Variants in CREBBP observed in about 807,000 individuals in gnomAD.
CREBBP encodes CREB-binding protein.
Under a neutral mutation model 265.0 loss-of-function variants are expected in CREBBP, and 19 were observed. The observed-to-expected ratio is 0.07, with a 90% confidence interval of 0.05 to 0.11. The LOEUF (loss-of-function observed/expected upper bound fraction) is 0.11. Ranked by LOEUF, CREBBP falls within the 10% of genes least tolerant of loss-of-function variation. The pLI is 1.00. For missense variants in CREBBP, 2,525 were observed against 3,219.0 expected (o/e 0.78, Z 5.22); for synonymous variants, 1,457 against 1,223.7 (o/e 1.19, Z -3.98).
At chr16:3,771,829 AAGAC>A (rs1170076126) in intron 13 of CREBBP, among the ~76,000 whole-genome samples, 78 of 150,296 alleles carry the variant, frequency 5.2e-4, no homozygotes, top group Middle Eastern at 3.4e-3. Context: ...TAAAAAAAAA[AAGAC>A]AGAGTCTCGC....
At chr16:3,849,428 TG>T (rs2054750181) in intron 2 of CREBBP, among the ~76,000 whole-genome samples, 2 of 7,940 alleles carry the variant, frequency 2.5e-4, no homozygotes, top group East Asian at 0.025. Context: ...TGTGTGTGTG[TG>T]TGTGTGTGTG....
intron 15 of CREBBP, 70 bp downstream of exon 15, chr16:3,769,104 A>G: frequency 1.3e-6 from 2 of 1,574,634 alleles, no homozygotes; most frequent in Admixed American, 3.3e-5. Flanking sequence ...GCAGGCTCCA[A>G]GCCTCGCCCG....
At chr16:3,857,870 G>A (rs1470997585) in intron 1 of CREBBP, among the ~76,000 whole-genome samples, 1 of 152,194 alleles carries the variant, frequency 6.6e-6, no homozygotes, top group Non-Finnish European at 1.5e-5. Flanking sequence ...GAAAAGAGAG[G>A]CTACACATTT....
chr16:3,879,666 T>C (rs1030589116), intron 1 of CREBBP, among the ~76,000 whole-genome samples, 166 bp downstream of exon 1: 2 of 152,054 alleles, frequency 1.3e-5, no homozygotes. Flanking sequence ...GTGACAGTCC[T>C]GCGACGAACT....
chr16:3,838,629 C>A (rs566965444), intron 2 of CREBBP, among the ~76,000 whole-genome samples: 2 of 152,284 alleles, frequency 1.3e-5, no homozygotes, highest in Admixed American at 1.3e-4. Context: ...AGTATGTTTT[C>A]TTTAGCGCTA....
At chr16:3,838,498 T>C (rs754828919) in intron 2 of CREBBP, among the ~76,000 whole-genome samples, 2 of 152,172 alleles carry the variant, frequency 1.3e-5, no homozygotes, top group African/African-American at 2.4e-5. Context: ...ATGCTAAACA[T>C]TCATTCCGTT....
intron 3 of CREBBP, among the ~76,000 whole-genome samples, chr16:3,804,679 T>C (rs2053793608): frequency 6.6e-6 from 1 of 152,250 alleles, no homozygotes; most frequent in Non-Finnish European, 1.5e-5. Context: ...TTCTCAGAAA[T>C]GCCTGCTATC....
At position 3,751,888 on chromosome 16, in the gene CREBBP, C is replaced by A. The variant is rs1029476971; in HGVS notation, c.3699-82G>T. On this transcript the variant is annotated intron_variant, in intron 19 of 30. Coordinates refer to ENST00000262367, the MANE Select transcript of CREBBP (RefSeq NM_004380.3). ...CAAGCAACGAAGCCACCAATCAGAG[C>A]AGGGCAGAGCACCACGACGAAGGGG... 2.2e-5 allele frequency: 29 copies of A among 1,337,136 alleles called. No homozygotes were observed. In the East Asian group the frequency reaches 5.8e-4, roughly 27 times the overall value. 82.8% of individuals were successfully genotyped at this position (1,337,136 alleles called of 1,614,324 possible).
rs2052319821 is a variant in CREBBP, at chr16:3,745,427, T to G, written c.3837-73A>C. 2.9e-6 allele frequency: 4 copies of G among 1,365,494 alleles called. No homozygotes were observed. In the African/African-American group the frequency reaches 4.4e-5, roughly 15 times the overall value. 84.6% of individuals were successfully genotyped at this position (1,365,494 alleles called of 1,614,324 possible). On this transcript the variant is annotated intron_variant, in intron 21 of 30. Coordinates refer to ENST00000262367, the MANE Select transcript of CREBBP (RefSeq NM_004380.3). ...CCAGAGTCACTTGTAGAAGTCTGTG[T>G]GTGCGTCCACACCTTGTTCTCTGGG...
chr16:3,752,406 T>C (rs1430030172), intron 19 of CREBBP, among the ~76,000 whole-genome samples: 2 of 152,094 alleles, frequency 1.3e-5, no homozygotes, highest in Admixed American at 6.5e-5. Context: ...GCCAGATCTT[T>C]AAATGTATGA....
At chr16:3,852,389 C>T (rs982732385) in intron 1 of CREBBP, among the ~76,000 whole-genome samples, 1 of 151,520 alleles carries the variant, frequency 6.6e-6, no homozygotes, top group African/African-American at 2.4e-5. Flanking sequence ...AGGATGGTCT[C>T]GATCTCCTGA....
intron 1 of CREBBP, among the ~76,000 whole-genome samples, chr16:3,864,201 G>T (rs1311034682): frequency 6.6e-6 from 1 of 152,190 alleles, no homozygotes; most frequent in Non-Finnish European, 1.5e-5. Context: ...GTGAGATGTA[G>T]CTGGCAGGCG....
intron 3 of CREBBP, among the ~76,000 whole-genome samples, chr16:3,809,893 G>C (rs2053902391): frequency 6.6e-6 from 1 of 152,102 alleles, no homozygotes; most frequent in East Asian, 1.9e-4. Context: ...AGAGATGGCT[G>C]CTTGTGGTCC....
intron 15 of CREBBP, among the ~76,000 whole-genome samples, chr16:3,768,136 GTTTT>G (rs71133655): frequency 4.7e-4 from 24 of 51,600 alleles, no homozygotes; most frequent in African/African-American, 1.3e-3. Context: ...ATTTAAAAGT[GTTTT>G]TTTTTTTTTT....
intron 3 of CREBBP, among the ~76,000 whole-genome samples, chr16:3,807,014 C>T (rs935048072): frequency 2.6e-5 from 4 of 152,182 alleles, no homozygotes; most frequent in East Asian, 3.8e-4. Flanking sequence ...CTGAGTGCTA[C>T]GCAGACCTCT....
intron 28 of CREBBP, 134 bp downstream of exon 28, chr16:3,735,902 G>C (rs2052044816): frequency 7.2e-7 from 1 of 1,380,394 alleles, no homozygotes; most frequent in South Asian, 1.2e-5. Context: ...TGTGCTGCAG[G>C]TGGTGTCGAC....
intron 2 of CREBBP, among the ~76,000 whole-genome samples, chr16:3,830,839 T>C (rs1364714104): frequency 1.3e-5 from 2 of 152,196 alleles, no homozygotes; most frequent in African/African-American, 4.8e-5. Flanking sequence ...TGAAGTGCAG[T>C]GGCGCGATCT....
chr16:3,823,262 C>T (rs2054174748), intron 2 of CREBBP, among the ~76,000 whole-genome samples: 1 of 152,142 alleles, frequency 6.6e-6, no homozygotes, highest in Admixed American at 6.5e-5. Flanking sequence ...ATTCTGAGTG[C>T]CCAAAATGGC....
At chr16:3,873,642 C>T (rs902563986) in intron 1 of CREBBP, among the ~76,000 whole-genome samples, 2 of 152,160 alleles carry the variant, frequency 1.3e-5, no homozygotes, top group African/African-American at 4.8e-5. Context: ...ACCCTCATAA[C>T]CACCCTGAGA....
Sources: gnomAD v4.1 joint callset for allele counts (sites outside exome capture counted in the v4.1 genomes callset) on GRCh38, gnomAD v4.1.1 for gene constraint, MANE v1.5 for transcripts, NCBI Gene and HGNC (gene_info 2026-07-23, HGNC 2026-07-21) for gene names.